Variants in ITGA2 observed in about 807,000 individuals in gnomAD.
ITGA2 encodes integrin subunit alpha 2.
In ITGA2, 101 loss-of-function variants were observed where a neutral mutation model predicts 146.3. The ratio of observed to expected loss-of-function variants is 0.69; its 90% confidence interval spans 0.59 to 0.81. The LOEUF (loss-of-function observed/expected upper bound fraction) is 0.81, where lower values mean the gene tolerates loss of function less well. Among genes scored for constraint, ITGA2 ranks in the 40% least tolerant of loss-of-function variants. The pLI is 0.00. For missense variants in ITGA2, 1,281 were observed against 1,402.7 expected (o/e 0.91, Z 1.39); for synonymous variants, 477 against 487.1 (o/e 0.98, Z 0.27).
rs1171525782 is a variant in ITGA2, at chr5:53,094,027, AAATT to A, written c.*3430_*3433del. ...ATAGTCACACAAGTGATTATACTAA[AAATT>A]ATTATAAAGGTTATAATTTTATAAT... is the stretch of plus-strand genomic sequence containing the variant. On this transcript the variant is annotated 3_prime_UTR_variant, in exon 30 of 30. Transcript: ENST00000296585. 3 of 152,660 alleles carry A rather than the reference AAATT, an allele frequency of 2.0e-5. No individual in the cohort carries two copies. Among genetic ancestry groups the A allele is most frequent in the Admixed American group, 6.5e-5 (1 of 15,286 alleles). The allele number at this position is 152,660 out of a possible 1,614,324, so 9.5% of individuals were successfully genotyped here.
Position 53,072,676 on chromosome 5 carries a change from C to G in ITGA2, c.2410C>G (p.Arg804Gly). 1 of 1,609,120 alleles carries G rather than the reference C, an allele frequency of 6.2e-7. No homozygotes were observed. The highest frequency in any genetic ancestry group is 8.5e-7 in the Non-Finnish European group (1 of 1,177,550). Residue 804 changes from arginine to glycine, a missense_variant, in exon 19 of 30, where the codon CGA (arginine) becomes GGA (glycine). This residue lies in a region of ITGA2 where 475 missense variants were observed against 530.5 expected (regional missense o/e 0.90). Transcript: ENST00000296585. ...CATTTCTGATCTAGTCCTAGATGTC[C>G]GACAAATACCAGCTGCTCAGTAAGT... Reference protein sequence around the residue: ...LCISDLVLDVRQIPAAQEQPF... With the variant: ...LCISDLVLDVGQIPAAQEQPF...
At chr5:53,044,641 A>G (rs1202258941) in intron 3 of ITGA2, among the ~76,000 whole-genome samples, 1 of 152,146 alleles carries the variant, frequency 6.6e-6, no homozygotes, top group Non-Finnish European at 1.5e-5. Context: ...CCAGAAAAAA[A>G]AAAAGGCATT....
chr5:53,069,062 A>AT (rs1241564379), intron 16 of ITGA2, among the ~76,000 whole-genome samples: 1 of 151,836 alleles, frequency 6.6e-6, no homozygotes, highest in Non-Finnish European at 1.5e-5. Flanking sequence ...TATATGATAG[A>AT]TTTTTTTCAA....
At chr5:53,061,471 T>C (rs1744903418) in intron 12 of ITGA2, among the ~76,000 whole-genome samples, 1 of 151,966 alleles carries the variant, frequency 6.6e-6, no homozygotes, top group Non-Finnish European at 1.5e-5. Flanking sequence ...GAGGAAATAA[T>C]GAGAAGAAGG....
chr5:53,032,233 A>G (rs1391367259), intron 2 of ITGA2, among the ~76,000 whole-genome samples: 2 of 152,216 alleles, frequency 1.3e-5, no homozygotes, highest in Admixed American at 1.3e-4. Context: ...GAAAAACTTT[A>G]ATAAAGCTCT....
At chr5:53,041,452 T>G (rs919476541) in intron 2 of ITGA2, among the ~76,000 whole-genome samples, 10 of 152,314 alleles carry the variant, frequency 6.6e-5, no homozygotes, top group African/African-American at 2.4e-4. Context: ...ATAAAGCCAC[T>G]AAGATAAGAT....
chr5:53,023,412 C>A (rs148723429), intron 1 of ITGA2, among the ~76,000 whole-genome samples: 60 of 152,292 alleles, frequency 3.9e-4, no homozygotes, highest in African/African-American at 1.4e-3. Flanking sequence ...CTCTGTGAAA[C>A]CTTTGAACTT....
intron 27 of ITGA2, 138 bp from the exon 28 acceptor site, chr5:53,086,813 AC>A: frequency 1.4e-6 from 1 of 721,344 alleles, no homozygotes; most frequent in Non-Finnish European, 2.5e-6. Context: ...TTAAGCACAC[AC>A]AGATTCTGGA....
Position 53,065,906 on chromosome 5 carries a change from C to G in ITGA2, c.1872C>G (p.Gly624=). ...HLQYFGRSLD[G]YGDLNGDSIT... is the part of the protein sequence containing the mutation. Reference sequence around the variant, plus strand: ...AGTACTTTGGGAGGTCCTTGGATGGCTATGGAGATTTAAATGGGGATTCCA... The same window carrying G: ...AGTACTTTGGGAGGTCCTTGGATGGGTATGGAGATTTAAATGGGGATTCCA... The change falls in exon 15 of 30, where the codon GGC becomes GGG. Residue 624 remains glycine (G), a synonymous_variant. Transcript: ENST00000296585. 1 of 1,612,122 alleles carries G rather than the reference C, an allele frequency of 6.2e-7. No homozygotes were observed. Among genetic ancestry groups the G allele is most frequent in the South Asian group, 1.1e-5 (1 of 91,046 alleles).
chr5:52,992,180 A>G (rs1740993180), intron 1 of ITGA2, among the ~76,000 whole-genome samples: 1 of 152,156 alleles, frequency 6.6e-6, no homozygotes, highest in African/African-American at 2.4e-5. Context: ...TCCTCCTGAA[A>G]CATCCTGTAC....
At chr5:53,048,506 G>C in intron 5 of ITGA2, 29 bp downstream of exon 5, 1 of 1,610,208 alleles carries the variant, frequency 6.2e-7, no homozygotes, top group Non-Finnish European at 8.5e-7. Context: ...GATGGTCTGA[G>C]CAATGCCTTA....
intron 3 of ITGA2, among the ~76,000 whole-genome samples, chr5:53,044,333 C>T (rs1743964174): frequency 7.3e-6 from 1 of 137,402 alleles, no homozygotes; most frequent in South Asian, 2.4e-4. Flanking sequence ...CAACAGTCAC[C>T]CTGGGAAATA....
intron 1 of ITGA2, among the ~76,000 whole-genome samples, chr5:53,007,612 T>G (rs1741921649): frequency 6.6e-6 from 1 of 152,112 alleles, no homozygotes; most frequent in Non-Finnish European, 1.5e-5. Context: ...TTCTAGTAAC[T>G]CTTGGGCCAA....
chr5:53,052,278 C>G (rs575091707), intron 7 of ITGA2, among the ~76,000 whole-genome samples: 5 of 152,154 alleles, frequency 3.3e-5, no homozygotes, highest in Non-Finnish European at 5.9e-5. Context: ...TGATGTTCCC[C>G]TCCCTGTGTC....
At chr5:53,046,651 A>G (rs1303475480) in intron 4 of ITGA2, among the ~76,000 whole-genome samples, 1 of 151,822 alleles carries the variant, frequency 6.6e-6, no homozygotes, top group Non-Finnish European at 1.5e-5. Context: ...AGAATTTGAG[A>G]GATTAATTAG....
At position 53,090,764 on chromosome 5, in the gene ITGA2, G is replaced by T; in HGVS notation, c.*165G>T. 1 of 543,978 alleles carries T rather than the reference G, an allele frequency of 1.8e-6. No homozygotes were observed. Among genetic ancestry groups the T allele is most frequent in the Non-Finnish European group, 3.3e-6 (1 of 302,586 alleles). 33.7% of individuals were successfully genotyped at this position (543,978 alleles called of 1,614,324 possible). On this transcript the variant is annotated 3_prime_UTR_variant, in exon 30 of 30. Transcript: ENST00000296585. The stretch of plus-strand genomic sequence containing the variant: ...CAGGTCAGTTTGGAATGAAGAAATT[G>T]TGGGGGGTGGGGGAGGTGCGGGGGG...
intron 1 of ITGA2, among the ~76,000 whole-genome samples, chr5:53,006,550 G>A (rs1044710803): frequency 3.9e-5 from 6 of 152,052 alleles, no homozygotes; most frequent in Non-Finnish European, 7.4e-5. Context: ...TATTATATCC[G>A]TAACTTATTG....
chr5:53,027,021 A>G (rs1236180248), intron 2 of ITGA2, among the ~76,000 whole-genome samples, 153 bp downstream of exon 2: 1 of 152,224 alleles, frequency 6.6e-6, no homozygotes, highest in Non-Finnish European at 1.5e-5. Context: ...GAGAGTTGAC[A>G]ACTGCAGACT....
chr5:52,991,433 C>T (rs1740948570), intron 1 of ITGA2, among the ~76,000 whole-genome samples: 1 of 151,962 alleles, frequency 6.6e-6, no homozygotes, highest in African/African-American at 2.4e-5. Context: ...CACACACACA[C>T]ATAACTGTTA....
Sources: allele counts gnomAD v4.1 joint callset (sites outside exome capture counted in the v4.1 genomes callset), GRCh38; gene constraint gnomAD v4.1.1; regional missense constraint gnomAD v4.1.1; transcripts MANE v1.5; gene names NCBI Gene and HGNC (gene_info 2026-07-23, HGNC 2026-07-21).